DOCK11: variants seen among roughly 807,000 people sequenced by gnomAD.
The protein encoded by DOCK11 is dedicator of cytokinesis protein 11.
Under a neutral mutation model 169.1 loss-of-function variants are expected in DOCK11, and 70 were observed. The ratio of observed to expected loss-of-function variants is 0.41; its 90% CI spans 0.34 to 0.51. The LOEUF (loss-of-function observed/expected upper bound fraction) is 0.51. DOCK11 is among the 20% of genes least tolerant of loss of function. The pLI is 0.10. For missense variants in DOCK11, 1,166 were observed against 1,538.8 expected, an observed-to-expected ratio of 0.76 and a Z score of 4.05; for synonymous variants, 529 against 541.3, an observed-to-expected ratio of 0.98 and a Z score of 0.32.
intron 1 of DOCK11, among the ~76,000 whole-genome samples, chrX:118,540,257 G>A (rs5956069): frequency 0.073 from 8,057 of 110,128 alleles, 781 homozygotes; most frequent in African/African-American, 0.25. Flanking sequence ...GGCACCAAAA[G>A]CAAGACTTAG....
intron 44 of DOCK11, among the ~76,000 whole-genome samples, chrX:118,657,378 A>G (rs2016100369): frequency 8.9e-6 from 1 of 112,171 alleles, no homozygotes; most frequent in African/African-American, 3.2e-5. Context: ...ATTTATTTAT[A>G]GGTGTCATCT....
chrX:118,569,399 CTTTTTT>C (rs1201994713), intron 10 of DOCK11: 2 of 110,900 alleles, frequency 1.8e-5, no homozygotes, highest in Non-Finnish European at 3.8e-5. Context: ...GCCTCTTTTT[CTTTTTT>C]TAAGTGTAGT....
intron 1 of DOCK11, among the ~76,000 whole-genome samples, chrX:118,530,148 C>A (rs369451689): frequency 2.7e-5 from 3 of 112,741 alleles, no homozygotes; most frequent in Non-Finnish European, 3.7e-5. Context: ...TCTGGTTAAT[C>A]TCTGTCACAC....
At chrX:118,663,212 A>T (rs891639537) in intron 45 of DOCK11, among the ~76,000 whole-genome samples, 2 of 112,633 alleles carry the variant, frequency 1.8e-5, no homozygotes, top group African/African-American at 6.5e-5. Flanking sequence ...GATTTATTGA[A>T]CATTGACTTA....
intron 7 of DOCK11, among the ~76,000 whole-genome samples, chrX:118,564,534 G>T (rs753231355): frequency 8.9e-6 from 1 of 112,013 alleles, no homozygotes; most frequent in South Asian, 3.7e-4. Flanking sequence ...TTGTGTGGTG[G>T]TATTCAGCAC....
Position 118,649,073 on chromosome X carries a change from GA to G in DOCK11, c.4528del (p.Arg1510GlufsTer13), listed in dbSNP as rs1477767474. 8.3e-6 allele frequency: 10 copies of G among 1,208,036 alleles called. No individual in the cohort carries two copies. The highest frequency in any genetic ancestry group is 1.1e-5 in the Non-Finnish European group (10 of 893,825). On this transcript the variant is annotated frameshift_variant, in exon 41 of 53. Coordinates refer to ENST00000276202, the MANE Select transcript of DOCK11 (RefSeq NM_144658.4). LOFTEE classifies it high-confidence loss of function. ...CATCTGCACTTTTGTATCTTTTGAT[GA>G]GAAACAACTTTGAGTATACCAAAAG... is the stretch of plus-strand genomic sequence containing the variant. ...EASALLYLLM[R>X]NNFEYTKRKT...
Position 118,685,876 on chromosome X carries a change from A to G in DOCK11, c.*69A>G, listed in dbSNP as rs759676727. The G allele has an allele frequency of 4.0e-5, 46 of 1,150,184 alleles. No homozygotes were observed. Among genetic ancestry groups the G allele is most frequent in the Non-Finnish European group, 5.1e-5 (44 of 859,818 alleles). The allele number at this position is 1,150,184 out of a possible 1,213,427, so 94.8% of individuals were successfully genotyped here. A position where few individuals can be genotyped will look rare whatever the true frequency, so the allele number is the denominator to read the frequency against. ...AATATTTGGAGCTGTGCAAATGTTA[A>G]AATTTAAAGATTTGATATACATGGA... On this transcript the variant is annotated 3_prime_UTR_variant, in exon 53 of 53. Coordinates refer to ENST00000276202, the MANE Select transcript of DOCK11 (RefSeq NM_144658.4).
chrX:118,606,241 G>A (rs1443253622), intron 24 of DOCK11, among the ~76,000 whole-genome samples: 1 of 110,543 alleles, frequency 9.0e-6, no homozygotes, highest in East Asian at 2.8e-4. Context: ...GGTTAATTTT[G>A]TATTTTTAGT....
intron 45 of DOCK11, among the ~76,000 whole-genome samples, chrX:118,663,323 G>T (rs759598370): frequency 3.6e-5 from 4 of 111,901 alleles, no homozygotes; most frequent in Non-Finnish European, 7.5e-5. Flanking sequence ...ACATGTACAT[G>T]AAATGGAAAA....
intron 11 of DOCK11, among the ~76,000 whole-genome samples, chrX:118,573,492 G>A (rs1228209719): frequency 1.8e-5 from 2 of 112,458 alleles, no homozygotes; most frequent in African/African-American, 6.5e-5. Flanking sequence ...AACGTGTAGC[G>A]AATAAAATTT....
At chrX:118,577,544 C>G (rs946831222) in intron 12 of DOCK11, among the ~76,000 whole-genome samples, 22 of 112,213 alleles carry the variant, frequency 2.0e-4, no homozygotes, top group African/African-American at 6.8e-4. Flanking sequence ...TGTTCACTTT[C>G]TCAAGCAAAT....
At chrX:118,567,053 T>C (rs999158849) in intron 9 of DOCK11, among the ~76,000 whole-genome samples, 10 of 112,352 alleles carry the variant, frequency 8.9e-5, no homozygotes, top group African/African-American at 3.2e-4. Flanking sequence ...TCATATTCTC[T>C]ATATGTAAAT....
chrX:118,519,105 C>G (rs1321089741), intron 1 of DOCK11, among the ~76,000 whole-genome samples: 1 of 111,872 alleles, frequency 8.9e-6, no homozygotes. Context: ...AATTTGGAAG[C>G]TTGCATTCCC....
In DOCK11 at chrX:118,509,467, T is replaced by C. The variant is rs746023985; in HGVS notation, c.102+13394T>C. Among the ~76,000 whole-genome samples the C allele has an allele frequency of 2.0e-3, 218 of 111,387 alleles. 2 individuals carry two copies. Among genetic ancestry groups the C allele is most frequent in the South Asian group, 4.5e-3 (12 of 2,682 alleles). On this transcript the variant is annotated intron_variant, in intron 1 of 52. Coordinates refer to ENST00000276202, the MANE Select transcript of DOCK11 (RefSeq NM_144658.4). ...TTAGTAGAGACGGGGTTTTACCATG[T>C]TGGTCAGGCTGGTCTCGAACTCCTG...
chrX:118,682,320 C>A (rs1297850878), intron 51 of DOCK11, among the ~76,000 whole-genome samples: 6 of 111,161 alleles, frequency 5.4e-5, no homozygotes, highest in African/African-American at 9.8e-5. Flanking sequence ...TAAAAGTCTT[C>A]ATTCAGAAGA....
chrX:118,535,699 C>A (rs1294262893), intron 1 of DOCK11, among the ~76,000 whole-genome samples: 1 of 111,480 alleles, frequency 9.0e-6, no homozygotes, highest in Non-Finnish European at 1.9e-5. Context: ...TTCCCTTAGC[C>A]GTTTACTTTA....
intron 1 of DOCK11, among the ~76,000 whole-genome samples, chrX:118,533,906 T>G (rs991826293): frequency 8.9e-6 from 1 of 112,421 alleles, no homozygotes; most frequent in African/African-American, 3.2e-5. Flanking sequence ...AGGAATGAAT[T>G]ATTTGCAATA....
intron 51 of DOCK11, among the ~76,000 whole-genome samples, chrX:118,682,619 CT>C (rs1287185738): frequency 8.9e-5 from 10 of 112,415 alleles, no homozygotes; most frequent in Non-Finnish European, 1.5e-4. Flanking sequence ...TGGAAAAAGA[CT>C]TTTATGATAG....
chrX:118,626,287 T>C (rs2015102600), intron 32 of DOCK11, among the ~76,000 whole-genome samples: 1 of 110,118 alleles, frequency 9.1e-6, no homozygotes, highest in South Asian at 3.9e-4. Flanking sequence ...GCCAAGCTGG[T>C]CTTGAAATCC....
Sources: allele counts gnomAD v4.1 joint callset (sites outside exome capture counted in the v4.1 genomes callset), GRCh38; gene constraint gnomAD v4.1.1; transcripts MANE v1.5; gene names NCBI Gene and HGNC (gene_info 2026-07-23, HGNC 2026-07-21).